SDK1: variants seen among roughly 807,000 people sequenced by gnomAD.
SDK1 encodes sidekick cell adhesion molecule 1.
SDK1 carries 157 observed loss-of-function variants against 245.5 expected under a neutral mutation model. That is an observed-to-expected ratio of 0.64 (90% confidence interval 0.56 to 0.73). The LOEUF (loss-of-function observed/expected upper bound fraction) is 0.73. Among genes scored for constraint, SDK1 ranks in the 30% least tolerant of loss-of-function variants. The pLI, the probability that SDK1 is intolerant of heterozygous loss-of-function variation, is 0.00. For missense variants in SDK1, 3,583 were observed against 3,002.3 expected (o/e 1.19, Z -4.52); for synonymous variants, 1,647 against 1,278.5 (o/e 1.29, Z -6.15).
At chr7:3,590,196 T>C (rs1780820675) in intron 1 of SDK1, among the ~76,000 whole-genome samples, 1 of 152,196 alleles carries the variant, frequency 6.6e-6, no homozygotes, top group South Asian at 2.1e-4. Flanking sequence ...AGTTTCTTTA[T>C]GTTTCTTCAG....
intron 2 of SDK1, among the ~76,000 whole-genome samples, chr7:3,630,533 G>A (rs567452183): frequency 6.6e-6 from 1 of 152,292 alleles, no homozygotes; most frequent in African/African-American, 2.4e-5. Context: ...TTAGTTGGGA[G>A]GTTGAGGCAG....
chr7:3,972,918 C>A (rs529525465), intron 12 of SDK1, among the ~76,000 whole-genome samples: 1 of 152,270 alleles, frequency 6.6e-6, no homozygotes, highest in African/African-American at 2.4e-5. Context: ...GACCTAGGAC[C>A]CCCCTGGGGG....
intron 5 of SDK1, among the ~76,000 whole-genome samples, chr7:3,925,434 G>A (rs1026834972): frequency 2.6e-5 from 4 of 152,194 alleles, no homozygotes; most frequent in African/African-American, 9.7e-5. Context: ...AGCTGTTAGG[G>A]CAAAAGCGAC....
chr7:4,263,506 A>ACGTAGACGCCTCCTGAGTGGGGAGGCCG (rs1788196901), intron 44 of SDK1, among the ~76,000 whole-genome samples: 1 of 94,748 alleles, frequency 1.1e-5, no homozygotes, highest in Non-Finnish European at 2.2e-5. Context: ...TGGGGAGGCC[A>ACGTAGACGCCTCCTGAGTGGGGAGGCCG]CGTAGACCTC....
At chr7:3,651,902 A>G (rs370299528) in intron 4 of SDK1, among the ~76,000 whole-genome samples, 8 of 152,188 alleles carry the variant, frequency 5.3e-5, no homozygotes, top group African/African-American at 1.9e-4. Flanking sequence ...GTTCCGTGTC[A>G]GCTAAGCCAA....
chr7:3,606,931 A>C (rs537300334), intron 1 of SDK1, among the ~76,000 whole-genome samples: 85 of 152,224 alleles, frequency 5.6e-4, no homozygotes, highest in Non-Finnish European at 1.1e-3. Context: ...GTTATGTACA[A>C]ACCTTCAAAA....
At chr7:3,560,532 A>C (rs1200100037) in intron 1 of SDK1, among the ~76,000 whole-genome samples, 1 of 152,086 alleles carries the variant, frequency 6.6e-6, no homozygotes, top group Non-Finnish European at 1.5e-5. Flanking sequence ...TACTGCTACC[A>C]ATCTGCCGCC....
intron 4 of SDK1, among the ~76,000 whole-genome samples, chr7:3,711,186 A>G (rs1001572016): frequency 1.3e-5 from 2 of 152,236 alleles, no homozygotes; most frequent in African/African-American, 2.4e-5. Context: ...TCTAAACCAC[A>G]TAAAAGTATT....
At chr7:3,920,442 C>T (rs1287287898) in intron 5 of SDK1, among the ~76,000 whole-genome samples, 5 of 151,942 alleles carry the variant, frequency 3.3e-5, no homozygotes, top group South Asian at 2.1e-4. Flanking sequence ...TGGTCATCTA[C>T]GGGGAGAAAG....
chr7:3,922,131 G>T (rs1779605763), intron 5 of SDK1, among the ~76,000 whole-genome samples: 1 of 152,062 alleles, frequency 6.6e-6, no homozygotes, highest in Admixed American at 6.5e-5. Flanking sequence ...TTATGTCATG[G>T]CCCCTCAGCT....
intron 4 of SDK1, among the ~76,000 whole-genome samples, chr7:3,674,711 T>C (rs1783834611): frequency 6.6e-6 from 1 of 152,182 alleles, no homozygotes; most frequent in Non-Finnish European, 1.5e-5. Context: ...AGAGCCCTGA[T>C]GTGTAGCTTT....
intron 23 of SDK1, among the ~76,000 whole-genome samples, chr7:4,112,213 A>G (rs1403022494): frequency 6.6e-6 from 1 of 152,136 alleles, no homozygotes; most frequent in Non-Finnish European, 1.5e-5. Context: ...GCTTGAAGCA[A>G]AGGCAGGAAG....
chr7:4,205,426 G>C (rs1784161716), intron 35 of SDK1, among the ~76,000 whole-genome samples: 1 of 152,094 alleles, frequency 6.6e-6, no homozygotes, highest in South Asian at 2.1e-4. Context: ...GGCATTGCTG[G>C]GACCTCAAGT....
At chr7:3,695,524 G>T (rs1784545728) in intron 4 of SDK1, among the ~76,000 whole-genome samples, 1 of 152,084 alleles carries the variant, frequency 6.6e-6, no homozygotes, top group African/African-American at 2.4e-5. Context: ...TATATCATAG[G>T]TGTTTTCATT....
At chr7:3,990,782 G>A (rs1332481044) in intron 14 of SDK1, among the ~76,000 whole-genome samples, 4 of 152,212 alleles carry the variant, frequency 2.6e-5, no homozygotes, top group Admixed American at 6.5e-5. Flanking sequence ...GTCATGGACC[G>A]TCTTCCAAAA....
chr7:3,945,563 A>G (rs1472500187), intron 5 of SDK1, among the ~76,000 whole-genome samples: 1 of 151,482 alleles, frequency 6.6e-6, no homozygotes, highest in Non-Finnish European at 1.5e-5. Flanking sequence ...GAGTCACAAT[A>G]TGGTTACTGA....
In SDK1 at chr7:3,775,797, C is replaced by G. The variant is rs184536386; in HGVS notation, c.714-45653C>G. Among the ~76,000 whole-genome samples the G allele has an allele frequency of 3.2e-3, 482 of 152,070 alleles. 4 individuals carry two copies. The highest frequency in any genetic ancestry group is 0.011 in the African/African-American group (454 of 41,452). ...TTCACCTTGTTAGCCAGGATGGTCT[C>G]GATCTCCTGACCTCATGATCCACCC... On this transcript the variant is annotated intron_variant, in intron 4 of 44. Transcript: ENST00000404826.
At chr7:3,828,633 T>C (rs1453425275) in intron 5 of SDK1, among the ~76,000 whole-genome samples, 1 of 148,420 alleles carries the variant, frequency 6.7e-6, no homozygotes, top group East Asian at 2.0e-4. Flanking sequence ...AAACATTTTT[T>C]TAAGAATTTT....
chr7:3,572,102 T>C (rs2128629870), intron 1 of SDK1, among the ~76,000 whole-genome samples: 1 of 152,152 alleles, frequency 6.6e-6, no homozygotes, highest in East Asian at 1.9e-4. Context: ...CAGCAAGAAA[T>C]GACTAGTATA....
Sources: allele counts gnomAD v4.1 joint callset (sites outside exome capture counted in the v4.1 genomes callset), GRCh38; gene constraint gnomAD v4.1.1; transcripts MANE v1.5; gene names NCBI Gene and HGNC (gene_info 2026-07-23, HGNC 2026-07-21).